RAB3C: variants seen among roughly 807,000 people sequenced by gnomAD.
RAB3C encodes the protein ras-related protein Rab-3C.
A neutral mutation model predicts 26.4 loss-of-function variants in RAB3C; 17 were observed. The observed-to-expected ratio is 0.64, with a 90% CI of 0.44 to 0.97. RAB3C has a LOEUF of 0.97. Ranked by LOEUF, RAB3C falls within the 50% of genes least tolerant of loss-of-function variation. The pLI is 0.00. For missense variants in RAB3C, 242 were observed against 281.9 expected, an observed-to-expected ratio of 0.86 and a Z score of 1.01; for synonymous variants, 91 against 95.9, an observed-to-expected ratio of 0.95 and a Z score of 0.30.
At chr5:58,668,955 T>C (rs1561283994) in intron 2 of RAB3C, among the ~76,000 whole-genome samples, 1 of 152,110 alleles carries the variant, frequency 6.6e-6, no homozygotes, top group Non-Finnish European at 1.5e-5. Flanking sequence ...TGGAAAGGAC[T>C]CTCTTCCTGG....
intron 2 of RAB3C, among the ~76,000 whole-genome samples, chr5:58,632,657 T>G (rs1747208162): frequency 2.0e-5 from 3 of 152,224 alleles, no homozygotes; most frequent in Non-Finnish European, 4.4e-5. Context: ...TGTAGGCCTA[T>G]TCTTCGAGTG....
At chr5:58,849,329 A>C (rs905134280) in intron 4 of RAB3C, among the ~76,000 whole-genome samples, 1 of 152,162 alleles carries the variant, frequency 6.6e-6, no homozygotes, top group African/African-American at 2.4e-5. Context: ...GTATCTTATG[A>C]CATAAAGCAT....
At chr5:58,649,936 T>C (rs1747608728) in intron 2 of RAB3C, among the ~76,000 whole-genome samples, 1 of 152,236 alleles carries the variant, frequency 6.6e-6, no homozygotes, top group Non-Finnish European at 1.5e-5. Flanking sequence ...CTGTTGTTTT[T>C]TCAGGCACTA....
chr5:58,794,705 G>A (rs1013850380), intron 3 of RAB3C, among the ~76,000 whole-genome samples: 1 of 152,108 alleles, frequency 6.6e-6, no homozygotes, highest in Non-Finnish European at 1.5e-5. Flanking sequence ...TTCTCGTAAC[G>A]TCTCTATGAA....
intron 1 of RAB3C, among the ~76,000 whole-genome samples, chr5:58,613,573 T>A (rs1389771003): frequency 6.6e-6 from 1 of 151,998 alleles, no homozygotes; most frequent in Non-Finnish European, 1.5e-5. Flanking sequence ...CACATAAAGG[T>A]TGACACTTTC....
chr5:58,776,946 A>G (rs921906010), intron 3 of RAB3C, among the ~76,000 whole-genome samples: 16 of 152,098 alleles, frequency 1.1e-4, no homozygotes, highest in African/African-American at 3.9e-4. Context: ...CATAATCCCA[A>G]CTAATTGCAA....
At chr5:58,748,536 C>A (rs1741449384) in intron 3 of RAB3C, among the ~76,000 whole-genome samples, 1 of 152,088 alleles carries the variant, frequency 6.6e-6, no homozygotes, top group Non-Finnish European at 1.5e-5. Flanking sequence ...AAGAATCATA[C>A]CTCTAATTTC....
At chr5:58,807,763 A>G (rs979850946) in intron 3 of RAB3C, among the ~76,000 whole-genome samples, 3 of 152,176 alleles carry the variant, frequency 2.0e-5, no homozygotes, top group Admixed American at 2.0e-4. Context: ...GGGCTTCAAC[A>G]TATGAATTTG....
intron 1 of RAB3C, 94 bp from the exon 2 acceptor site, chr5:58,617,549 G>C: frequency 9.9e-7 from 1 of 1,013,110 alleles, no homozygotes; most frequent in Non-Finnish European, 1.6e-6. Context: ...TCTGTTTCTG[G>C]CAAGGCCAAT....
intron 3 of RAB3C, among the ~76,000 whole-genome samples, chr5:58,734,721 G>A (rs904630908): frequency 7.2e-5 from 11 of 152,160 alleles, no homozygotes; most frequent in African/African-American, 2.7e-4. Context: ...AATCTTCGGA[G>A]TTAATCTTAA....
rs1744298199 is a variant in RAB3C at position 58,857,872 on chromosome 5, C to G, written c.*6521C>G. On this transcript the variant is annotated 3_prime_UTR_variant, in exon 5 of 5. Coordinates refer to ENST00000282878, the MANE Select transcript of RAB3C (RefSeq NM_138453.4). ...AAAATCAAGAACTGAAGCCTAGTTG[C>G]TAGATAACGAAAAGCTATAAATGTT... The G allele has an allele frequency of 1.3e-5, 2 of 152,102 alleles. No homozygotes were observed. The highest frequency in any genetic ancestry group is 4.1e-4 in the South Asian group (2 of 4,832). 9.4% of individuals were successfully genotyped at this position (152,102 alleles called of 1,614,324 possible).
intron 2 of RAB3C, among the ~76,000 whole-genome samples, chr5:58,725,308 CT>C (rs1740864821): frequency 6.6e-6 from 1 of 151,768 alleles, no homozygotes; most frequent in Admixed American, 6.6e-5. Context: ...CAAATTGGAG[CT>C]CCTTTATATG....
intron 3 of RAB3C, among the ~76,000 whole-genome samples, chr5:58,768,066 C>G (rs1319044501): frequency 6.6e-6 from 1 of 151,996 alleles, no homozygotes; most frequent in East Asian, 1.9e-4. Flanking sequence ...ATGTAGTGAA[C>G]CTCCAGAACA....
chr5:58,745,392 C>CAAAAAAAAAAAAAAAA (rs1173604247), intron 3 of RAB3C, among the ~76,000 whole-genome samples: 7 of 33,110 alleles, frequency 2.1e-4, no homozygotes, highest in African/African-American at 5.6e-4. Flanking sequence ...GACTCTGCTT[C>CAAAAAAAAAAAAAAAA]AAAAAAAAAA....
intron 3 of RAB3C, among the ~76,000 whole-genome samples, chr5:58,809,497 T>C (rs979626394): frequency 3.9e-5 from 6 of 152,114 alleles, no homozygotes; most frequent in African/African-American, 1.4e-4. Flanking sequence ...TGGAAGAATT[T>C]CAGACACTAC....
chr5:58,808,224 C>CA (rs773339041), intron 3 of RAB3C, among the ~76,000 whole-genome samples: 1,224 of 63,212 alleles, frequency 0.019, 12 homozygotes, highest in Non-Finnish European at 0.028. Context: ...GACTCCGTCT[C>CA]AAAAAAAAAA....
At chr5:58,638,530 A>G (rs1330545735) in intron 2 of RAB3C, among the ~76,000 whole-genome samples, 1 of 152,220 alleles carries the variant, frequency 6.6e-6, no homozygotes, top group Non-Finnish European at 1.5e-5. Context: ...TAAAACCATT[A>G]TAACATTTTC....
intron 3 of RAB3C, among the ~76,000 whole-genome samples, chr5:58,815,088 A>C (rs1219971684): frequency 6.6e-6 from 1 of 152,146 alleles, no homozygotes; most frequent in East Asian, 1.9e-4. Flanking sequence ...AGATCTATGC[A>C]TATTGAAGCA....
chr5:58,611,807 T>C (rs1746708010), intron 1 of RAB3C, among the ~76,000 whole-genome samples: 1 of 152,090 alleles, frequency 6.6e-6, no homozygotes, highest in Non-Finnish European at 1.5e-5. Context: ...AATCTTTGCC[T>C]GCTCCTATGT....
Sources: gnomAD v4.1 joint callset for allele counts (sites outside exome capture counted in the v4.1 genomes callset) on GRCh38, gnomAD v4.1.1 for gene constraint, MANE v1.5 for transcripts, NCBI Gene and HGNC (gene_info 2026-07-23, HGNC 2026-07-21) for gene names.